FANCC: variants seen among roughly 807,000 people sequenced by gnomAD.
FANCC encodes Fanconi anemia group C protein.
Under a neutral mutation model 71.3 loss-of-function variants are expected in FANCC, and 55 were observed. The ratio of observed to expected loss-of-function variants is 0.77; its 90% CI spans 0.62 to 0.97. FANCC has a LOEUF of 0.97. FANCC is among the 50% of genes least tolerant of loss of function. The pLI is 0.00. For missense variants in FANCC, 678 were observed against 670.9 expected, an observed-to-expected ratio of 1.01 and a Z score of -0.12; for synonymous variants, 275 against 244.9, an observed-to-expected ratio of 1.12 and a Z score of -1.15.
intron 1 of FANCC, among the ~76,000 whole-genome samples, chr9:95,260,679 T>TAAAAA (rs1254519022): frequency 1.3e-5 from 1 of 77,248 alleles, no homozygotes; most frequent in Non-Finnish European, 2.5e-5. Context: ...TCTCAGAACT[T>TAAAAA]AAAATATAAA....
At chr9:95,114,493 T>G (rs1160353501) in intron 12 of FANCC, 136 bp downstream of exon 12, 3 of 841,186 alleles carry the variant, frequency 3.6e-6, no homozygotes, top group South Asian at 1.4e-5. Flanking sequence ...ACTTCTCACT[T>G]CACCATGGTG....
At chr9:95,180,710 C>G (rs1414626137) in intron 4 of FANCC, among the ~76,000 whole-genome samples, 1 of 151,530 alleles carries the variant, frequency 6.6e-6, no homozygotes, top group Non-Finnish European at 1.5e-5. Context: ...GTACATAAAC[C>G]AATAACACAG....
intron 4 of FANCC, among the ~76,000 whole-genome samples, chr9:95,207,060 A>G (rs1005762415): frequency 1.1e-4 from 17 of 152,062 alleles, no homozygotes; most frequent in Non-Finnish European, 1.6e-4. Context: ...AGATAATATC[A>G]AGTTTGTTTT....
At chr9:95,194,715 T>C (rs1383006598) in intron 4 of FANCC, among the ~76,000 whole-genome samples, 1 of 152,176 alleles carries the variant, frequency 6.6e-6, no homozygotes, top group Non-Finnish European at 1.5e-5. Context: ...TTTTTTACCA[T>C]TGAGTTTTGA....
chr9:95,247,801 A>C (rs1831085969), intron 2 of FANCC, among the ~76,000 whole-genome samples: 1 of 152,240 alleles, frequency 6.6e-6, no homozygotes, highest in Admixed American at 6.5e-5. Context: ...CTTAATAGTC[A>C]GTAAAGGCTA....
At chr9:95,138,881 G>C (rs778708298) in intron 7 of FANCC, among the ~76,000 whole-genome samples, 1 of 152,216 alleles carries the variant, frequency 6.6e-6, no homozygotes, top group Non-Finnish European at 1.5e-5. Context: ...GTTTGAAAAC[G>C]ATGTGTGTTA....
At chr9:95,203,378 C>CAAAAAAAAA (rs55960295) in intron 4 of FANCC, among the ~76,000 whole-genome samples, 4 of 104,630 alleles carry the variant, frequency 3.8e-5, no homozygotes, top group East Asian at 3.0e-4. Context: ...GACCCTGTCT[C>CAAAAAAAAA]AAAAAAAAAA....
intron 1 of FANCC, chr9:95,294,137 G>A (rs1418055968): frequency 3.1e-6 from 5 of 1,606,436 alleles, no homozygotes; most frequent in Non-Finnish European, 3.4e-6. Context: ...ATCTTGTCAA[G>A]TAATCTGCCT....
At chr9:95,245,358 C>G (rs1308072531) in intron 3 of FANCC, among the ~76,000 whole-genome samples, 1 of 151,998 alleles carries the variant, frequency 6.6e-6, no homozygotes, top group Non-Finnish European at 1.5e-5. Flanking sequence ...ACAATAGTCC[C>G]TCTTTATCAA....
At chr9:95,187,674 A>G (rs1195531769) in intron 4 of FANCC, among the ~76,000 whole-genome samples, 3 of 151,778 alleles carry the variant, frequency 2.0e-5, no homozygotes, top group African/African-American at 7.3e-5. Flanking sequence ...CCAGCCACAG[A>G]CCTGACTATA....
intron 4 of FANCC, among the ~76,000 whole-genome samples, chr9:95,173,986 C>A (rs78895219): frequency 1.3e-5 from 2 of 152,034 alleles, no homozygotes; most frequent in Admixed American, 1.3e-4. Context: ...AAATGTTATA[C>A]TCAGAAATGA....
intron 4 of FANCC, among the ~76,000 whole-genome samples, chr9:95,196,277 T>C (rs889399461): frequency 6.6e-6 from 1 of 152,172 alleles, no homozygotes; most frequent in Non-Finnish European, 1.5e-5. Flanking sequence ...TTCCCCACTA[T>C]TAATTTATTG....
At chr9:95,106,586 T>C (rs1422009963) in intron 14 of FANCC, among the ~76,000 whole-genome samples, 4 of 152,244 alleles carry the variant, frequency 2.6e-5, no homozygotes, top group African/African-American at 9.6e-5. Flanking sequence ...GACCGTTTTT[T>C]ACCCCTCAAG....
rs571523032 is a variant in FANCC at position 95,099,654 on chromosome 9, G to C, written c.*2053C>G. 8.6e-6 allele frequency: 2 copies of C among 231,574 alleles called. No homozygotes were observed. The allele number at this position is 231,574 out of a possible 1,614,324, so 14.3% of individuals were successfully genotyped here. A position where few individuals can be genotyped will look rare whatever the true frequency, so the allele number is the denominator to read the frequency against. ...AAGGGCAAAGGGCCACATGAAGCCA[G>C]CAGGCACTTCAGTGCCACGTCCCCA... On this transcript the variant is annotated 3_prime_UTR_variant, in exon 15 of 15. Coordinates refer to ENST00000289081, the MANE Select transcript of FANCC (RefSeq NM_000136.3).
chr9:95,197,681 G>C (rs1026418528), intron 4 of FANCC, among the ~76,000 whole-genome samples: 1 of 152,146 alleles, frequency 6.6e-6, no homozygotes, highest in Non-Finnish European at 1.5e-5. Flanking sequence ...TGCAGGAATC[G>C]TGGCTTGTTA....
chr9:95,179,312 TCATTA>T (rs1826201041), intron 4 of FANCC, among the ~76,000 whole-genome samples: 1 of 152,242 alleles, frequency 6.6e-6, no homozygotes, highest in Non-Finnish European at 1.5e-5. Context: ...CTGACCTATT[TCATTA>T]AAATCTGGAT....
At chr9:95,301,804 G>A (rs1194399105) in intron 1 of FANCC, among the ~76,000 whole-genome samples, 10 of 151,584 alleles carry the variant, frequency 6.6e-5, no homozygotes, top group South Asian at 2.1e-4. Flanking sequence ...AAGGCCTGGC[G>A]CGGTGGCTCA....
At chr9:95,103,763 C>A (rs2071233961) in intron 14 of FANCC, among the ~76,000 whole-genome samples, 1 of 152,186 alleles carries the variant, frequency 6.6e-6, no homozygotes, top group African/African-American at 2.4e-5. Flanking sequence ...TGGAGAAGAG[C>A]CCACTGCGCA....
chr9:95,105,822 G>A (rs1588024188), intron 14 of FANCC, among the ~76,000 whole-genome samples: 1 of 152,150 alleles, frequency 6.6e-6, no homozygotes, highest in Admixed American at 6.5e-5. Context: ...CCATCTTCAG[G>A]CTGAACAGTA....
Sources: allele counts gnomAD v4.1 joint callset (sites outside exome capture counted in the v4.1 genomes callset), GRCh38; gene constraint gnomAD v4.1.1; transcripts MANE v1.5; gene names NCBI Gene and HGNC (gene_info 2026-07-23, HGNC 2026-07-21).